The following PRORP variants were observed in gnomAD, a reference collection of about 807,000 sequenced individuals.
PRORP encodes the protein protein only RNase P catalytic subunit, also known as mitochondrial ribonuclease P catalytic subunit.
Under a neutral mutation model 59.4 loss-of-function variants are expected in PRORP, and 51 were observed. That is an observed-to-expected ratio of 0.86 (90% CI 0.69 to 1.08). The LOEUF (loss-of-function observed/expected upper bound fraction) is 1.08. Ranked by LOEUF, PRORP falls within the 50% of genes least tolerant of loss-of-function variation. PRORP has a pLI of 0.00. For synonymous variants in PRORP, 231 were observed against 245.6 expected (o/e 0.94, Z 0.55); for missense variants, 646 against 690.3 (o/e 0.94, Z 0.72).
In PRORP at chr14:35,136,852, G is replaced by T. The variant is rs2047388006; in HGVS notation, c.1167+9241G>T. 1.4e-5 allele frequency among the ~76,000 whole-genome samples: 2 copies of T among 145,516 alleles called. 1 individual carries two copies. Among genetic ancestry groups the T allele is most frequent in the Non-Finnish European group, 3.1e-5 (2 of 65,532 alleles). ...AGTGGGCTCAATTCACAACTTGGTG[G>T]GGGTGGGATGGGGAACACCAGCATA... On this transcript the variant is annotated intron_variant, in intron 4 of 7. Coordinates refer to ENST00000534898, the MANE Select transcript of PRORP (RefSeq NM_014672.4).
intron 4 of PRORP, among the ~76,000 whole-genome samples, chr14:35,148,710 A>G (rs538998202): frequency 2.9e-4 from 44 of 152,254 alleles, no homozygotes; most frequent in African/African-American, 1.0e-3. Flanking sequence ...TCTTCTTCCA[A>G]TAGAAGGGGC....
At chr14:35,143,380 T>G (rs1287187925) in intron 4 of PRORP, among the ~76,000 whole-genome samples, 3 of 145,372 alleles carry the variant, frequency 2.1e-5, no homozygotes, top group Middle Eastern at 3.5e-3. Context: ...CAGGATGGTC[T>G]CGAACTCCTG....
chr14:35,235,282 A>T, intron 5 of PRORP: 2 of 691,874 alleles, frequency 2.9e-6, no homozygotes, highest in South Asian at 1.4e-5. Flanking sequence ...GGCGGATTTC[A>T]TCATATCTGT....
chr14:35,193,625 C>T (rs2048937999), intron 5 of PRORP, among the ~76,000 whole-genome samples: 1 of 148,604 alleles, frequency 6.7e-6, no homozygotes, highest in African/African-American at 2.5e-5. Flanking sequence ...TGTATATAAT[C>T]CCGGGTGTAT....
At chr14:35,212,113 G>A (rs906731448) in intron 5 of PRORP, among the ~76,000 whole-genome samples, 29 of 152,146 alleles carry the variant, frequency 1.9e-4, no homozygotes, top group African/African-American at 7.0e-4. Flanking sequence ...ATAGGTTCAA[G>A]TTTTATTATG....
chr14:35,205,074 G>A (rs183807176), intron 5 of PRORP, among the ~76,000 whole-genome samples: 41 of 152,246 alleles, frequency 2.7e-4, no homozygotes, highest in Non-Finnish European at 4.9e-4. Context: ...ATGCAAACCC[G>A]GATTTTCTAT....
intron 4 of PRORP, chr14:35,158,635 G>C (rs1343772848): frequency 8.1e-6 from 3 of 369,912 alleles, no homozygotes; most frequent in Non-Finnish European, 1.6e-5. Context: ...TCTGAAATCT[G>C]TTCACTTGTG....
intron 4 of PRORP, among the ~76,000 whole-genome samples, chr14:35,139,480 A>T (rs570461455): frequency 6.9e-6 from 1 of 145,390 alleles, no homozygotes; most frequent in African/African-American, 2.4e-5. Flanking sequence ...CTATGGAATC[A>T]TACAATATAT....
rs1469187472 is a variant in PRORP, at chr14:35,123,283, A to G, written c.38A>G (p.Lys13Arg). Residue 13 changes from lysine (K) to arginine (R), a missense_variant, in exon 2 of 8, where the codon AAG becomes AGG. Lys to Arg is a conservative substitution (Grantham distance 26, BLOSUM62 2). Transcript: ENST00000534898. ...FYLFGIRSFP[K>R]LWKSPYLGLG... ...TTGTTTGGTATTCGAAGCTTTCCGA[A>G]GCTTTGGAAGAGCCCATACCTTGGG... 7.4e-6 allele frequency: 12 copies of G among 1,612,630 alleles called. No homozygotes were observed. Among genetic ancestry groups the G allele is most frequent in the Non-Finnish European group, 1.0e-5 (12 of 1,179,534 alleles).
At chr14:35,212,104 T>C (rs1260073987) in intron 5 of PRORP, among the ~76,000 whole-genome samples, 1 of 152,238 alleles carries the variant, frequency 6.6e-6, no homozygotes, top group Non-Finnish European at 1.5e-5. Context: ...CAACTCCTCA[T>C]AGGTTCAAGT....
intron 4 of PRORP, among the ~76,000 whole-genome samples, chr14:35,157,609 C>T (rs1277892103): frequency 6.6e-6 from 1 of 152,094 alleles, no homozygotes; most frequent in Non-Finnish European, 1.5e-5. Flanking sequence ...AGGCTGGTCT[C>T]GAACTCCTGA....
chr14:35,142,128 C>T (rs2047494546), intron 4 of PRORP, among the ~76,000 whole-genome samples: 1 of 144,274 alleles, frequency 6.9e-6, no homozygotes, highest in African/African-American at 2.4e-5. Context: ...ATCCATCCGC[C>T]TCGGCCTCCT....
At chr14:35,178,471 G>T (rs1237917198) in intron 4 of PRORP, among the ~76,000 whole-genome samples, 1 of 152,172 alleles carries the variant, frequency 6.6e-6, no homozygotes, top group Non-Finnish European at 1.5e-5. Context: ...TCTTCTTGTT[G>T]AATTGATCCC....
intron 5 of PRORP, among the ~76,000 whole-genome samples, chr14:35,246,662 A>G (rs2050493458): frequency 6.6e-6 from 1 of 152,168 alleles, no homozygotes; most frequent in South Asian, 2.1e-4. Context: ...TCTATATTAT[A>G]GTTTTAATGG....
At chr14:35,258,055 TA>T (rs33929205) in intron 5 of PRORP, among the ~76,000 whole-genome samples, 37,536 of 143,962 alleles carry the variant, frequency 0.26, 5,848 homozygotes, top group African/African-American at 0.46. Context: ...CACATATGAG[TA>T]AAAAAAAAAA....
intron 5 of PRORP, among the ~76,000 whole-genome samples, chr14:35,241,016 T>C (rs1022130848): frequency 5.3e-5 from 8 of 152,198 alleles, no homozygotes; most frequent in African/African-American, 1.7e-4. Context: ...TAATACAGTA[T>C]AACAACTACT....
At chr14:35,131,771 C>T (rs567872942) in intron 4 of PRORP, among the ~76,000 whole-genome samples, 7 of 151,876 alleles carry the variant, frequency 4.6e-5, no homozygotes, top group East Asian at 1.9e-4. Flanking sequence ...TCAGGTGATT[C>T]GCCTGCCTCA....
intron 4 of PRORP, among the ~76,000 whole-genome samples, chr14:35,170,099 CT>C (rs2048278209): frequency 6.6e-6 from 1 of 152,096 alleles, no homozygotes; most frequent in East Asian, 1.9e-4. Context: ...TCTATTTTGT[CT>C]AACATTAGTG....
At chr14:35,207,214 A>G (rs2049317227) in intron 5 of PRORP, among the ~76,000 whole-genome samples, 1 of 152,156 alleles carries the variant, frequency 6.6e-6, no homozygotes, top group African/African-American at 2.4e-5. Context: ...TCAGTACATG[A>G]GATACATGCT....
Sources: gnomAD v4.1 joint callset for allele counts (sites outside exome capture counted in the v4.1 genomes callset) on GRCh38, gnomAD v4.1.1 for gene constraint, MANE v1.5 for transcripts, NCBI Gene and HGNC (gene_info 2026-07-23, HGNC 2026-07-21) for gene names.